The following SORCS1 variants were observed in gnomAD, a reference collection of about 807,000 sequenced individuals.
The protein encoded by SORCS1 is sortilin related VPS10 domain containing receptor 1.
In SORCS1, 60 loss-of-function variants were observed where a neutral mutation model predicts 146.1. The ratio of observed to expected loss-of-function variants is 0.41; its 90% CI spans 0.33 to 0.51. SORCS1 has a LOEUF of 0.51. Ranked by LOEUF, SORCS1 falls within the 20% of genes least tolerant of loss-of-function variation. SORCS1 has a pLI of 0.21. For missense variants in SORCS1, 1,352 were observed against 1,487.6 expected, an observed-to-expected ratio of 0.91 and a Z score of 1.50; for synonymous variants, 637 against 584.0, an observed-to-expected ratio of 1.09 and a Z score of -1.31.
At chr10:107,084,333 G>A (rs1001086200) in intron 1 of SORCS1, among the ~76,000 whole-genome samples, 2 of 149,018 alleles carry the variant, frequency 1.3e-5, no homozygotes, top group African/African-American at 5.0e-5. Context: ...TCCATCTGCT[G>A]ACCTCGTGAT....
At chr10:107,075,186 T>A (rs941117329) in intron 1 of SORCS1, among the ~76,000 whole-genome samples, 4 of 152,190 alleles carry the variant, frequency 2.6e-5, no homozygotes, top group Non-Finnish European at 5.9e-5. Context: ...TATGTTAAAA[T>A]CGAGAACTTG....
intron 5 of SORCS1, among the ~76,000 whole-genome samples, chr10:106,738,437 A>C (rs1335480035): frequency 1.3e-5 from 2 of 152,232 alleles, no homozygotes; most frequent in Non-Finnish European, 2.9e-5. Context: ...TAAGTCAGAC[A>C]CCATCTTAGT....
chr10:107,129,245 T>TCATTCATTTA (rs1160589445), intron 1 of SORCS1, among the ~76,000 whole-genome samples: 3 of 152,348 alleles, frequency 2.0e-5, no homozygotes, highest in African/African-American at 7.2e-5. Flanking sequence ...CTGTCTGCTG[T>TCATTCATTTA]CATTCATTTA....
intron 1 of SORCS1, among the ~76,000 whole-genome samples, chr10:106,992,988 C>T (rs1164005731): frequency 8.6e-5 from 13 of 151,962 alleles, no homozygotes; most frequent in African/African-American, 2.7e-4. Flanking sequence ...TGCACCACCA[C>T]GTCCAGCTAA....
chr10:106,603,904 C>T (rs939852398), intron 23 of SORCS1, among the ~76,000 whole-genome samples: 4 of 152,148 alleles, frequency 2.6e-5, no homozygotes, highest in African/African-American at 7.2e-5. Flanking sequence ...GGGTATAAAA[C>T]GTCTCAGTTG....
chr10:106,663,942 T>C (rs1321071149), intron 17 of SORCS1, among the ~76,000 whole-genome samples: 1 of 152,220 alleles, frequency 6.6e-6, no homozygotes, highest in Non-Finnish European at 1.5e-5. Flanking sequence ...GAGCAGGACA[T>C]TTACCATACC....
intron 19 of SORCS1, among the ~76,000 whole-genome samples, chr10:106,622,289 GAAAAAAA>G (rs554464573): frequency 4.1e-4 from 16 of 39,040 alleles, no homozygotes; most frequent in African/African-American, 9.2e-4. Flanking sequence ...ATTCCATCTC[GAAAAAAA>G]AAAAAAAAAA....
At chr10:107,113,530 A>G (rs1565061420) in intron 1 of SORCS1, among the ~76,000 whole-genome samples, 1 of 151,952 alleles carries the variant, frequency 6.6e-6, no homozygotes. Flanking sequence ...TCTCTACTAA[A>G]AATACAAAAA....
intron 4 of SORCS1, among the ~76,000 whole-genome samples, chr10:106,775,726 A>T (rs2136365104): frequency 6.6e-6 from 1 of 152,332 alleles, no homozygotes; most frequent in African/African-American, 2.4e-5. Context: ...TTCACCAATT[A>T]TCCCTCTGGT....
chr10:106,679,408 G>A (rs1314593812), intron 11 of SORCS1, 76 bp from the exon 12 acceptor site: 1 of 1,231,198 alleles, frequency 8.1e-7, no homozygotes, highest in Non-Finnish European at 1.2e-6. Context: ...CAGGTGCACT[G>A]CCTGAGAAAG....
intron 2 of SORCS1, among the ~76,000 whole-genome samples, chr10:106,863,673 G>A (rs1188797377): frequency 6.7e-6 from 1 of 148,960 alleles, no homozygotes; most frequent in Non-Finnish European, 1.5e-5. Context: ...CCAACTCACA[G>A]GCAATATCTG....
At position 106,700,525 on chromosome 10, in the gene SORCS1, T is replaced by C. The variant is rs1466556203; in HGVS notation, c.1234-1132A>G. On this transcript the variant is annotated intron_variant, in intron 8 of 25. Transcript: ENST00000263054. Reference sequence around the variant, plus strand: ...AACAATTCTTGTTTTCGGCATCACTTAGTGCTCTAATCTTTCCAGATGCAC... The same window carrying C: ...AACAATTCTTGTTTTCGGCATCACTCAGTGCTCTAATCTTTCCAGATGCAC... Among the ~76,000 whole-genome samples the C allele has an allele frequency of 2.6e-5, 4 of 152,212 alleles. No individual in the cohort carries two copies. The East Asian group carries it at 7.7e-4, about 29-fold the overall frequency.
intron 2 of SORCS1, among the ~76,000 whole-genome samples, chr10:106,941,038 G>T (rs773832418): frequency 6.6e-6 from 1 of 152,140 alleles, no homozygotes; most frequent in Admixed American, 6.6e-5. Context: ...TTATGACCCT[G>T]TTCGGGTTAC....
In SORCS1 at chr10:106,677,319, T is replaced by C. The variant is rs754046608; in HGVS notation, c.1826A>G (p.His609Arg). The change falls in exon 13 of 26, where the codon CAT (histidine) becomes CGT (arginine). Residue 609 changes from histidine to arginine, a missense_variant. Transcript: ENST00000263054. The stretch of plus-strand genomic sequence containing the variant: ...AGGCAGCATGTGCCCTTACCAAAGA[T>C]GTCGAATTGGGAGAGATGTGTGTTT... ...AMKHTSLPIRHLWLSFDEGRS... is the reference protein window; with the variant it reads ...AMKHTSLPIRRLWLSFDEGRS... 6.2e-6 allele frequency: 10 copies of C among 1,613,878 alleles called. No homozygotes were observed. Among genetic ancestry groups the C allele is most frequent in the Admixed American group, 5.0e-5 (3 of 60,002 alleles).
chr10:106,643,852 G>C (rs149705919), intron 18 of SORCS1, among the ~76,000 whole-genome samples: 48 of 152,312 alleles, frequency 3.2e-4, no homozygotes, highest in African/African-American at 1.1e-3. Flanking sequence ...TTTGCACAAA[G>C]GTTGGAGCTA....
At chr10:106,849,308 C>A (rs1949444821) in intron 2 of SORCS1, among the ~76,000 whole-genome samples, 1 of 150,468 alleles carries the variant, frequency 6.6e-6, no homozygotes, top group African/African-American at 2.4e-5. Flanking sequence ...TTTCTCTAAA[C>A]TTCCCTTCTC....
intron 9 of SORCS1, among the ~76,000 whole-genome samples, chr10:106,689,936 A>C (rs1682977258): frequency 6.6e-6 from 1 of 152,204 alleles, no homozygotes; most frequent in Non-Finnish European, 1.5e-5. Context: ...ACTCTTTTGA[A>C]ACAACAAGCA....
chr10:107,126,872 G>A (rs949089711), intron 1 of SORCS1, among the ~76,000 whole-genome samples: 4 of 152,136 alleles, frequency 2.6e-5, no homozygotes, highest in African/African-American at 9.7e-5. Context: ...TAAAAGATAT[G>A]TTAGGAACTA....
chr10:106,716,926 A>G (rs1855418215), intron 6 of SORCS1, among the ~76,000 whole-genome samples: 1 of 152,174 alleles, frequency 6.6e-6, no homozygotes, highest in Non-Finnish European at 1.5e-5. Context: ...ACTTGAGGTC[A>G]GGAGTTTGCG....
Sources: allele counts gnomAD v4.1 joint callset (sites outside exome capture counted in the v4.1 genomes callset), GRCh38; gene constraint gnomAD v4.1.1; transcripts MANE v1.5; gene names NCBI Gene and HGNC (gene_info 2026-07-23, HGNC 2026-07-21).